JAKMIP2: variants seen among roughly 807,000 people sequenced by gnomAD.
The protein encoded by JAKMIP2 is janus kinase and microtubule interacting protein 2.
Under a neutral mutation model 115.0 loss-of-function variants are expected in JAKMIP2, and 25 were observed. The ratio of observed to expected loss-of-function variants is 0.22; its 90% CI spans 0.16 to 0.30. The LOEUF is 0.30. Ranked by LOEUF, JAKMIP2 falls within the 10% of genes least tolerant of loss-of-function variation. The probability of loss-of-function intolerance (pLI) is 1.00; values close to 1 mark genes in which losing one functional copy is unlikely to be tolerated. For missense variants in JAKMIP2, 642 were observed against 957.6 expected (o/e 0.67, Z 4.35); for synonymous variants, 334 against 343.6 (o/e 0.97, Z 0.31).
At chr5:147,747,357 G>A (rs766606160) in intron 1 of JAKMIP2, among the ~76,000 whole-genome samples, 2 of 152,170 alleles carry the variant, frequency 1.3e-5, no homozygotes, top group Non-Finnish European at 1.5e-5. Flanking sequence ...GCCAGCAAGA[G>A]TGTCTGTTCT....
chr5:147,675,991 T>C (rs1354470191), intron 1 of JAKMIP2, among the ~76,000 whole-genome samples: 1 of 152,128 alleles, frequency 6.6e-6, no homozygotes, highest in African/African-American at 2.4e-5. Flanking sequence ...GTCAGGCTTC[T>C]ACAGAAGCTG....
intron 21 of JAKMIP2, among the ~76,000 whole-genome samples, chr5:147,595,230 T>C (rs569051958): frequency 6.6e-6 from 1 of 152,184 alleles, no homozygotes; most frequent in East Asian, 1.9e-4. Flanking sequence ...GAGTGCTATA[T>C]TTTGAATGTT....
intron 1 of JAKMIP2, among the ~76,000 whole-genome samples, chr5:147,763,167 G>A (rs1298392838): frequency 6.6e-6 from 1 of 152,058 alleles, no homozygotes; most frequent in Non-Finnish European, 1.5e-5. Context: ...TATGAATTTT[G>A]GGGGAGTAGA....
intron 1 of JAKMIP2, among the ~76,000 whole-genome samples, chr5:147,727,308 G>T (rs1030434174): frequency 1.1e-4 from 16 of 152,168 alleles, no homozygotes; most frequent in African/African-American, 3.1e-4. Context: ...AATATTGGCT[G>T]TTTTGCCCAG....
chr5:147,753,851 G>C (rs746662252), intron 1 of JAKMIP2, among the ~76,000 whole-genome samples: 1 of 147,770 alleles, frequency 6.8e-6, no homozygotes, highest in South Asian at 2.1e-4. Context: ...TCTTATAATA[G>C]CTAAAGGTTC....
chr5:147,772,656 C>T (rs751443948), intron 1 of JAKMIP2, among the ~76,000 whole-genome samples: 21 of 151,644 alleles, frequency 1.4e-4, no homozygotes, highest in Non-Finnish European at 2.6e-4. Context: ...GCATATATTG[C>T]TTTGTACTAA....
intron 21 of JAKMIP2, chr5:147,595,319 T>C (rs1477057744): frequency 2.7e-6 from 1 of 365,934 alleles, no homozygotes; most frequent in Non-Finnish European, 5.6e-6. Flanking sequence ...AGGAGGTTAT[T>C]AGGCCATGAG....
intron 1 of JAKMIP2, 55 bp downstream of exon 1, chr5:147,782,401 A>G: frequency 1.3e-6 from 2 of 1,518,272 alleles, no homozygotes; most frequent in Non-Finnish European, 1.8e-6. Context: ...ATGTATACAC[A>G]GGTCAAATAA....
At chr5:147,688,300 G>A (rs138810142) in intron 1 of JAKMIP2, among the ~76,000 whole-genome samples, 1 of 152,286 alleles carries the variant, frequency 6.6e-6, no homozygotes, top group African/African-American at 2.4e-5. Context: ...TTTTAGGGTG[G>A]TTATAAACTA....
rs59032563 is a variant in JAKMIP2, at chr5:147,751,256, G to GTTTT, written c.-149+31196_-149+31199dup. ...CCGGCTAAGTTGTTTTTTTGTTGTT[G>GTTTT]TTTTTTTTTTTTTTTGTATTTTTAG... On this transcript the variant is annotated intron_variant, in intron 1 of 21. Transcript: ENST00000616793. 2.0e-3 allele frequency among the ~76,000 whole-genome samples: 261 copies of GTTTT among 131,572 alleles called. 4 individuals carry two copies. In the East Asian group the frequency reaches 0.028, roughly 14 times the overall value. 86.3% of individuals were successfully genotyped at this position (131,572 alleles called of 152,430 possible). A position where few individuals can be genotyped will look rare whatever the true frequency, so the allele number is the denominator to read the frequency against.
chr5:147,605,755 CCA>C (rs1755975992), intron 20 of JAKMIP2, among the ~76,000 whole-genome samples: 1 of 152,132 alleles, frequency 6.6e-6, no homozygotes, highest in African/African-American at 2.4e-5. Flanking sequence ...TGAGGAATCA[CCA>C]CACTGTCTTC....
At chr5:147,708,538 T>C (rs1752664726) in intron 1 of JAKMIP2, among the ~76,000 whole-genome samples, 1 of 152,236 alleles carries the variant, frequency 6.6e-6, no homozygotes, top group Non-Finnish European at 1.5e-5. Context: ...ATTAGTTTAA[T>C]AATCTACAGA....
rs552502331 is a variant in JAKMIP2, at chr5:147,596,739, A to G, written c.*20+5002T>C. On this transcript the variant is annotated intron_variant, in intron 21 of 21. Coordinates refer to ENST00000616793, the MANE Select transcript of JAKMIP2 (RefSeq NM_001270941.2). Reference sequence around the variant, plus strand: ...TACAATTTGTGAGACAAATAGGGAAACAATTTATATATGACTGGATAAAGC... The same window carrying G: ...TACAATTTGTGAGACAAATAGGGAAGCAATTTATATATGACTGGATAAAGC... Among the ~76,000 whole-genome samples, 257 of 152,332 alleles carry G rather than the reference A, an allele frequency of 1.7e-3. 3 individuals are homozygous for G. The highest frequency in any genetic ancestry group is 5.8e-3 in the African/African-American group (243 of 41,578).
At chr5:147,767,472 T>C (rs541672450) in intron 1 of JAKMIP2, among the ~76,000 whole-genome samples, 100 of 152,210 alleles carry the variant, frequency 6.6e-4, no homozygotes, top group African/African-American at 2.1e-3. Context: ...CAAGAGAGAA[T>C]TTACAGATTA....
rs748342420 is a variant in JAKMIP2 at position 147,671,801 on chromosome 5, G to C, written c.6C>G (p.Ser2=). The part of the protein sequence containing the change: M[S]KKGRNKGEKP... ...TCTCGCCCTTATTTCGCCCTTTCTT[G>C]GACATTGTTCCTTTCTAAATGGAGT... Residue 2 remains serine (S), a synonymous_variant, in exon 2 of 22, where the codon TCC becomes TCG. Coordinates refer to ENST00000616793, the MANE Select transcript of JAKMIP2 (RefSeq NM_001270941.2). 6.4e-7 allele frequency: 1 copy of C among 1,572,306 alleles called. No individual in the cohort carries two copies. The highest frequency in any genetic ancestry group is 1.2e-5 in the South Asian group (1 of 84,294).
chr5:147,636,881 G>C, intron 11 of JAKMIP2, 84 bp downstream of exon 11: 1 of 838,258 alleles, frequency 1.2e-6, no homozygotes. Flanking sequence ...CTGTGTCCTG[G>C]GTGCGGCCCA....
intron 1 of JAKMIP2, among the ~76,000 whole-genome samples, chr5:147,704,265 T>C (rs1410666563): frequency 1.3e-5 from 2 of 152,210 alleles, no homozygotes; most frequent in African/African-American, 4.8e-5. Flanking sequence ...GATATACTTT[T>C]ATAGACTGGC....
At chr5:147,675,946 G>A (rs1759926038) in intron 1 of JAKMIP2, among the ~76,000 whole-genome samples, 1 of 152,060 alleles carries the variant, frequency 6.6e-6, no homozygotes, top group African/African-American at 2.4e-5. Flanking sequence ...ATTGCCTGAT[G>A]GATTCTCTTG....
intron 2 of JAKMIP2, among the ~76,000 whole-genome samples, chr5:147,665,501 C>A (rs1367711640): frequency 6.6e-6 from 1 of 152,166 alleles, no homozygotes; most frequent in African/African-American, 2.4e-5. Flanking sequence ...GCATCTGGAA[C>A]AGTATCATGA....
Sources: allele counts gnomAD v4.1 joint callset (sites outside exome capture counted in the v4.1 genomes callset), GRCh38; gene constraint gnomAD v4.1.1; transcripts MANE v1.5; gene names NCBI Gene and HGNC (gene_info 2026-07-23, HGNC 2026-07-21).